GALNTL6: variants seen among roughly 807,000 people sequenced by gnomAD.
The protein encoded by GALNTL6 is polypeptide N-acetylgalactosaminyltransferase-like 6.
In GALNTL6, 46 loss-of-function variants were observed where a neutral mutation model predicts 73.7. The observed-to-expected ratio is 0.62, with a 90% CI of 0.49 to 0.80. The LOEUF (loss-of-function observed/expected upper bound fraction) is 0.80. Among genes scored for constraint, GALNTL6 ranks in the 30% least tolerant of loss-of-function variants. GALNTL6 has a pLI of 0.00. For synonymous variants in GALNTL6, 259 were observed against 263.7 expected, an observed-to-expected ratio of 0.98 and a Z score of 0.17; for missense variants, 604 against 755.0, an observed-to-expected ratio of 0.80 and a Z score of 2.34.
At chr4:171,953,579 A>T (rs1738952293) in intron 2 of GALNTL6, among the ~76,000 whole-genome samples, 1 of 152,190 alleles carries the variant, frequency 6.6e-6, no homozygotes. Context: ...AGAAAATTAC[A>T]GACCTAAATA....
At chr4:172,598,878 G>A (rs1038412815) in intron 5 of GALNTL6, among the ~76,000 whole-genome samples, 2 of 152,134 alleles carry the variant, frequency 1.3e-5, no homozygotes, top group South Asian at 2.1e-4. Flanking sequence ...ATTTCAAATT[G>A]TTCTTTATTT....
chr4:172,732,402 C>T (rs1178352195), intron 5 of GALNTL6, among the ~76,000 whole-genome samples: 1 of 152,086 alleles, frequency 6.6e-6, no homozygotes, highest in Non-Finnish European at 1.5e-5. Flanking sequence ...TTTCCATCCT[C>T]TCTAGTTATG....
intron 5 of GALNTL6, among the ~76,000 whole-genome samples, chr4:172,766,351 G>A (rs566012808): frequency 1.1e-4 from 17 of 152,114 alleles, no homozygotes; most frequent in Non-Finnish European, 1.8e-4. Context: ...CTTATTTGAA[G>A]TATTTTATGC....
At chr4:172,427,050 T>C (rs1271305461) in intron 5 of GALNTL6, among the ~76,000 whole-genome samples, 1 of 152,138 alleles carries the variant, frequency 6.6e-6, no homozygotes, top group African/African-American at 2.4e-5. Context: ...TATATCTCAT[T>C]CATATTCTGT....
intron 7 of GALNTL6, among the ~76,000 whole-genome samples, chr4:172,828,472 T>G (rs1186571609): frequency 6.6e-6 from 1 of 151,948 alleles, no homozygotes; most frequent in African/African-American, 2.4e-5. Flanking sequence ...ATCAAGGTAT[T>G]CCACACCACA....
intron 3 of GALNTL6, among the ~76,000 whole-genome samples, chr4:172,286,605 G>T (rs1222775162): frequency 6.6e-6 from 1 of 152,142 alleles, no homozygotes; most frequent in Admixed American, 6.5e-5. Flanking sequence ...GTCACTAAAG[G>T]ACTCAGGAAT....
intron 2 of GALNTL6, among the ~76,000 whole-genome samples, chr4:172,010,704 G>C (rs1387512296): frequency 2.6e-5 from 4 of 151,990 alleles, no homozygotes; most frequent in Non-Finnish European, 5.9e-5. Context: ...CAGTAGCTAA[G>C]AGCATGGCAT....
rs1415411176 is a variant in GALNTL6, at chr4:171,865,597, GA to G, written c.138+50885del. ...TTTAGAGAATGTTTTGTATTTCAAGGAAAAAAGTTTTTCTAAATGAAACAAA... is the reference window on the plus strand; with the variant it reads ...TTTAGAGAATGTTTTGTATTTCAAGGAAAAAGTTTTTCTAAATGAAACAAA... On this transcript the variant is annotated intron_variant, in intron 2 of 12. Transcript: ENST00000506823. Among the ~76,000 whole-genome samples the G allele has an allele frequency of 7.9e-5, 12 of 152,016 alleles. No individual in the cohort carries two copies. In the East Asian group the frequency reaches 2.1e-3, roughly 27 times the overall value.
chr4:172,272,747 G>A lies in GALNTL6; in HGVS notation c.248-38867G>A, dbSNP rs373775689. 5.3e-5 allele frequency among the ~76,000 whole-genome samples: 8 copies of A among 152,186 alleles called. No homozygotes were observed. The South Asian group carries it at 1.2e-3, about 24-fold the overall frequency. ...AAATTTCTTCCAAAAGATATATTTC[G>A]AATGGAAAAATGTGCTTCACAAATT... On this transcript the variant is annotated intron_variant, in intron 3 of 12. Transcript: ENST00000506823.
intron 5 of GALNTL6, among the ~76,000 whole-genome samples, chr4:172,574,549 T>A (rs1314455774): frequency 6.6e-6 from 1 of 151,554 alleles, no homozygotes; most frequent in Non-Finnish European, 1.5e-5. Context: ...CAAAAAAAGA[T>A]CCTCTAATAA....
At chr4:172,659,397 A>G (rs1039780970) in intron 5 of GALNTL6, among the ~76,000 whole-genome samples, 4 of 152,038 alleles carry the variant, frequency 2.6e-5, no homozygotes, top group African/African-American at 9.7e-5. Context: ...CTTTTCTTCT[A>G]GTTATTTTGA....
At chr4:172,030,646 G>T (rs1724926090) in intron 2 of GALNTL6, among the ~76,000 whole-genome samples, 3 of 151,944 alleles carry the variant, frequency 2.0e-5, no homozygotes, top group Admixed American at 2.0e-4. Context: ...AGAGGCAGAG[G>T]TTGCAGTAAG....
intron 2 of GALNTL6, among the ~76,000 whole-genome samples, chr4:172,073,218 T>C (rs1483400800): frequency 3.9e-5 from 6 of 152,172 alleles, no homozygotes; most frequent in African/African-American, 1.4e-4. Flanking sequence ...AGACATTCTC[T>C]ACCACATTCC....
intron 9 of GALNTL6, 21 bp from the exon 10 acceptor site, chr4:172,952,014 ATT>A: frequency 7.0e-7 from 1 of 1,421,268 alleles, no homozygotes; most frequent in Non-Finnish European, 9.2e-7. Flanking sequence ...AATAAATGAC[ATT>A]TTTGTTTTCC....
intron 4 of GALNTL6, among the ~76,000 whole-genome samples, chr4:172,341,756 A>T (rs1741574919): frequency 6.6e-6 from 1 of 152,158 alleles, no homozygotes; most frequent in African/African-American, 2.4e-5. Context: ...CATGATTGTG[A>T]AGCTTCCCCA....
intron 5 of GALNTL6, among the ~76,000 whole-genome samples, chr4:172,430,844 G>A (rs1410882926): frequency 6.6e-6 from 1 of 151,914 alleles, no homozygotes; most frequent in Non-Finnish European, 1.5e-5. Context: ...TAAAAGAATA[G>A]GGAAAATTAT....
intron 5 of GALNTL6, among the ~76,000 whole-genome samples, chr4:172,757,243 G>A (rs1737805246): frequency 6.6e-6 from 1 of 152,186 alleles, no homozygotes; most frequent in Non-Finnish European, 1.5e-5. Context: ...ATTTTCCTGG[G>A]TCTTGAGGTT....
At chr4:172,282,244 G>A (rs1391147975) in intron 3 of GALNTL6, among the ~76,000 whole-genome samples, 1 of 152,074 alleles carries the variant, frequency 6.6e-6, no homozygotes, top group African/African-American at 2.4e-5. Flanking sequence ...TTTCCCTAAG[G>A]AGATATTCAG....
intron 2 of GALNTL6, among the ~76,000 whole-genome samples, chr4:171,867,779 A>T (rs1736009478): frequency 6.6e-6 from 1 of 152,186 alleles, no homozygotes; most frequent in Admixed American, 6.6e-5. Context: ...TATTGATGAA[A>T]TTAATAAAAT....
Sources: allele counts gnomAD v4.1 joint callset (sites outside exome capture counted in the v4.1 genomes callset), GRCh38; gene constraint gnomAD v4.1.1; transcripts MANE v1.5; gene names NCBI Gene and HGNC (gene_info 2026-07-23, HGNC 2026-07-21).